GALNT13: variants seen among roughly 807,000 people sequenced by gnomAD.
The protein encoded by GALNT13 is UDP-GalNAc:polypeptide N-acetylgalactosaminyltransferase 13.
In GALNT13, 28 loss-of-function variants were observed where a neutral mutation model predicts 64.2. The observed-to-expected ratio is 0.44, with a 90% CI of 0.32 to 0.60. GALNT13 has a LOEUF of 0.60. GALNT13 is among the 20% of genes least tolerant of loss of function. The pLI, the probability that GALNT13 is intolerant of heterozygous loss-of-function variation, is 0.05. For synonymous variants in GALNT13, 214 were observed against 224.6 expected, an observed-to-expected ratio of 0.95 and a Z score of 0.42; for missense variants, 577 against 669.8, an observed-to-expected ratio of 0.86 and a Z score of 1.53.
At chr2:154,180,517 A>T (rs920943124) in intron 4 of GALNT13, among the ~76,000 whole-genome samples, 3 of 109,738 alleles carry the variant, frequency 2.7e-5, no homozygotes, top group African/African-American at 4.0e-5. Flanking sequence ...GTACCTGTTA[A>T]AAAAATAGAT....
intron 9 of GALNT13, among the ~76,000 whole-genome samples, chr2:154,345,072 A>G (rs1695992222): frequency 6.6e-6 from 1 of 152,012 alleles, no homozygotes; most frequent in Non-Finnish European, 1.5e-5. Context: ...TGGGGAATTG[A>G]GACAACAAGG....
At chr2:153,881,228 C>G (rs886695241) in intron 1 of GALNT13, among the ~76,000 whole-genome samples, 20 of 152,140 alleles carry the variant, frequency 1.3e-4, no homozygotes, top group African/African-American at 4.8e-4. Context: ...CCACACGGTT[C>G]TCACATTACT....
intron 10 of GALNT13, among the ~76,000 whole-genome samples, chr2:154,405,584 T>TTAA (rs1699494832): frequency 7.5e-6 from 1 of 133,992 alleles, no homozygotes; most frequent in Non-Finnish European, 1.6e-5. Context: ...CCATCTCTTC[T>TTAA]AAAAAAAAAA....
the GALNT13 span, among the ~76,000 whole-genome samples, chr2:153,843,557 T>C: frequency 6.6e-6 from 1 of 152,226 alleles, no homozygotes; most frequent in Non-Finnish European, 1.5e-5. Context: ...GCAAATATCA[T>C]GTCCTTCTCA....
the GALNT13 span, among the ~76,000 whole-genome samples, chr2:153,619,879 A>C: frequency 6.6e-6 from 1 of 152,072 alleles, no homozygotes; most frequent in Non-Finnish European, 1.5e-5. Context: ...TCCTTTTTTA[A>C]AAATAGTTGA....
chr2:153,435,639 T>C, the GALNT13 span, among the ~76,000 whole-genome samples: 1 of 152,264 alleles, frequency 6.6e-6, no homozygotes, highest in Non-Finnish European at 1.5e-5. Context: ...TTGTCTGTTA[T>C]TGGTGTATAA....
chr2:153,141,917 C>T, the GALNT13 span, among the ~76,000 whole-genome samples: 4 of 152,014 alleles, frequency 2.6e-5, no homozygotes, highest in African/African-American at 9.7e-5. Context: ...TGCTTAGTAA[C>T]ATGTCCTCAA....
the GALNT13 span, among the ~76,000 whole-genome samples, chr2:153,767,535 C>T: frequency 3.0e-4 from 46 of 152,184 alleles, no homozygotes; most frequent in South Asian, 3.5e-3. Context: ...TACTGTTTTC[C>T]ATAGAAGTTG....
At chr2:154,021,397 T>A (rs994694915) in intron 3 of GALNT13, among the ~76,000 whole-genome samples, 2 of 152,314 alleles carry the variant, frequency 1.3e-5, no homozygotes, top group Non-Finnish European at 1.5e-5. Context: ...TTTGTAGTTC[T>A]CCTTGAAGAG....
chr2:153,515,494 A>G, the GALNT13 span, among the ~76,000 whole-genome samples: 1 of 152,298 alleles, frequency 6.6e-6, no homozygotes, highest in African/African-American at 2.4e-5. Flanking sequence ...TATTCAGGAG[A>G]CAAATATTTG....
At chr2:154,411,741 A>C (rs190144012) in intron 11 of GALNT13, among the ~76,000 whole-genome samples, 1 of 151,932 alleles carries the variant, frequency 6.6e-6, no homozygotes, top group East Asian at 1.9e-4. Flanking sequence ...ATTTTTCTGC[A>C]TACAGTAGTA....
intron 3 of GALNT13, among the ~76,000 whole-genome samples, chr2:154,056,993 G>A (rs1437676391): frequency 6.6e-6 from 1 of 151,704 alleles, no homozygotes; most frequent in East Asian, 1.9e-4. Context: ...GGCAGGAAAG[G>A]AACCTAATTC....
At chr2:153,731,415 G>T in the GALNT13 span, among the ~76,000 whole-genome samples, 1 of 151,818 alleles carries the variant, frequency 6.6e-6, no homozygotes. Context: ...TTTGGATGAT[G>T]AGTACACTAA....
chr2:153,458,195 A>G, the GALNT13 span, among the ~76,000 whole-genome samples: 20 of 151,866 alleles, frequency 1.3e-4, no homozygotes, highest in African/African-American at 4.8e-4. Flanking sequence ...AAAGACAATC[A>G]CCCTTATTCC....
intron 11 of GALNT13, among the ~76,000 whole-genome samples, chr2:154,422,780 G>T (rs1243070365): frequency 6.6e-6 from 1 of 152,054 alleles, no homozygotes; most frequent in Non-Finnish European, 1.5e-5. Flanking sequence ...CCAATTCATG[G>T]TTTACACATT....
At chr2:153,542,962 A>T in the GALNT13 span, among the ~76,000 whole-genome samples, 7 of 152,340 alleles carry the variant, frequency 4.6e-5, no homozygotes, top group African/African-American at 1.7e-4. Context: ...GACTTATATG[A>T]TTTTGTGTGC....
chr2:153,528,815 G>A, the GALNT13 span, among the ~76,000 whole-genome samples: 1 of 151,912 alleles, frequency 6.6e-6, no homozygotes, highest in African/African-American at 2.4e-5. Flanking sequence ...ATATGTTTCT[G>A]AATGACCTGT....
chr2:153,224,861 A>G, the GALNT13 span, among the ~76,000 whole-genome samples: 1 of 152,214 alleles, frequency 6.6e-6, no homozygotes, highest in Non-Finnish European at 1.5e-5. Flanking sequence ...AACCTTTCCA[A>G]AAAAAGGCAC....
At chr2:153,345,703 CT>C in the GALNT13 span, among the ~76,000 whole-genome samples, 117 of 65,782 alleles carry the variant, frequency 1.8e-3, 3 homozygotes, top group African/African-American at 4.3e-3. Context: ...TTCTTTCTTT[CT>C]CTTTCTCTCT....
Sources: gnomAD v4.1 joint callset for allele counts (sites outside exome capture counted in the v4.1 genomes callset) on GRCh38, gnomAD v4.1.1 for gene constraint, MANE v1.5 for transcripts, NCBI Gene and HGNC (gene_info 2026-07-23, HGNC 2026-07-21) for gene names.